ZSCAN18: variants seen among roughly 807,000 people sequenced by gnomAD.
The protein encoded by ZSCAN18 is zinc finger and SCAN domain-containing protein 18.
Under a neutral mutation model 31.1 loss-of-function variants are expected in ZSCAN18, and 16 were observed. The ratio of observed to expected loss-of-function variants is 0.51; its 90% CI spans 0.35 to 0.78. The LOEUF (loss-of-function observed/expected upper bound fraction) is 0.78, where lower values mean the gene tolerates loss of function less well. Among genes scored for constraint, ZSCAN18 ranks in the 30% least tolerant of loss-of-function variants. The pLI is 0.01. For synonymous variants in ZSCAN18, 375 were observed against 320.7 expected (o/e 1.17, Z -1.81); for missense variants, 731 against 697.4 (o/e 1.05, Z -0.54).
In ZSCAN18 at chr19:58,090,115, A is replaced by T. The variant is rs771595694; in HGVS notation, c.153T>A (p.Arg51=). The change falls in exon 2 of 7, where the codon CGT becomes CGA. Residue 51 remains arginine (R), a synonymous_variant. Transcript: ENST00000601144. The surrounding 1 kb of genome is among the most constrained non-coding windows in gnomAD (Gnocchi z 4.7). Reference sequence around the variant, plus strand: ...CCTCCTGGTAGACAAATTCCCGGAAACGCAGGCGGGAGAACTCCAGGTCAG... The same window carrying T: ...CCTCCTGGTAGACAAATTCCCGGAATCGCAGGCGGGAGAACTCCAGGTCAG... ...TPADLEFSRL[R]FREFVYQEAA... 1 of 1,613,776 alleles carries T rather than the reference A, an allele frequency of 6.2e-7. No individual in the cohort carries two copies. Among genetic ancestry groups the T allele is most frequent in the Admixed American group, 1.7e-5 (1 of 60,024 alleles).
intron 1 of ZSCAN18, among the ~76,000 whole-genome samples, chr19:58,096,288 C>T (rs899181668): frequency 1.3e-5 from 2 of 152,194 alleles, no homozygotes; most frequent in African/African-American, 4.8e-5. Flanking sequence ...TGAGGCCACA[C>T]CTCGTTGGAG....
intron 2 of ZSCAN18, among the ~76,000 whole-genome samples, chr19:58,089,303 A>C (rs12104383): frequency 0.55 from 18,450 of 33,764 alleles, 3,973 homozygotes; most frequent in South Asian, 0.64. Flanking sequence ...ACTCCGTCTC[A>C]AAAAAAAAAA....
intron 1 of ZSCAN18, chr19:58,093,237 T>G (rs2074451421): frequency 6.6e-6 from 1 of 152,100 alleles, no homozygotes; most frequent in South Asian, 2.1e-4. Context: ...CCCAGGAGAG[T>G]AAGGGTTCTT....
At chr19:58,091,315 C>A (rs1280111564) in intron 1 of ZSCAN18, among the ~76,000 whole-genome samples, 2 of 148,376 alleles carry the variant, frequency 1.3e-5, no homozygotes, top group South Asian at 2.2e-4. Flanking sequence ...TTTCTAATAA[C>A]ATGAAGGAGC....
upstream of ZSCAN18, among the ~76,000 whole-genome samples, chr19:58,101,806 C>T (rs1437830464): frequency 2.0e-5 from 3 of 151,934 alleles, no homozygotes; most frequent in Non-Finnish European, 2.9e-5. Context: ...AGGTGTGAGC[C>T]ACCGCACCCA....
chr19:58,093,868 C>G (rs2074464959), intron 1 of ZSCAN18, among the ~76,000 whole-genome samples: 1 of 152,026 alleles, frequency 6.6e-6, no homozygotes, highest in South Asian at 2.1e-4. Flanking sequence ...TGGGTTCAAG[C>G]AGTTCTCCTC....
At chr19:58,093,513 C>T (rs1186804255) in intron 1 of ZSCAN18, 1 of 152,310 alleles carries the variant, frequency 6.6e-6, no homozygotes, top group African/African-American at 2.4e-5. Context: ...ACACACTCCA[C>T]CTGCTGCCAG....
In ZSCAN18 at chr19:58,087,307, C is replaced by T. The variant is rs747296939; in HGVS notation, c.642+9G>A. 1.3e-6 allele frequency: 2 copies of T among 1,598,892 alleles called. No homozygotes were observed. The highest frequency in any genetic ancestry group is 1.7e-5 in the Admixed American group (1 of 58,220). Reference sequence around the variant, plus strand: ...AAGGCCCCTCACCCACCTGCTCGTGCCCACCCACCTGCTCGGTGTTGGCAG... The same window carrying T: ...AAGGCCCCTCACCCACCTGCTCGTGTCCACCCACCTGCTCGGTGTTGGCAG... On this transcript the variant is annotated intron_variant, in intron 4 of 6. Coordinates refer to ENST00000601144, the MANE Select transcript of ZSCAN18 (RefSeq NM_001145543.2).
At chr19:58,103,988 G>C (rs1047227338) in intron 1 of ZSCAN18, among the ~76,000 whole-genome samples, 3 of 152,182 alleles carry the variant, frequency 2.0e-5, no homozygotes, top group Non-Finnish European at 4.4e-5. Context: ...TACCCAAAGA[G>C]AACTAACATT....
upstream of ZSCAN18, among the ~76,000 whole-genome samples, chr19:58,102,011 A>C (rs570162843): frequency 6.6e-6 from 1 of 152,246 alleles, no homozygotes; most frequent in South Asian, 2.1e-4. Flanking sequence ...GCTTCCAGGC[A>C]TATTATGTTT....
At chr19:58,102,071 C>T (rs1172432113), upstream of ZSCAN18, among the ~76,000 whole-genome samples, 3 of 152,024 alleles carry the variant, frequency 2.0e-5, no homozygotes, top group East Asian at 1.9e-4. Context: ...CACACACACA[C>T]GATTACTGAC....
upstream of ZSCAN18, chr19:58,098,325 A>G (rs2074561708): frequency 1.0e-6 from 1 of 985,480 alleles, no homozygotes; most frequent in Non-Finnish European, 1.2e-6. Context: ...CGAGCAAGGG[A>G]GCCGTGACAG....
At chr19:58,089,671 T>C (rs936476662) in intron 2 of ZSCAN18, among the ~76,000 whole-genome samples, 194 bp downstream of exon 2, 1 of 152,232 alleles carries the variant, frequency 6.6e-6, no homozygotes, top group South Asian at 2.1e-4. Context: ...GGCTGGTCCC[T>C]TTCCCTCATT....
chr19:58,088,425 G>A (rs1168089129), intron 3 of ZSCAN18: 3 of 415,468 alleles, frequency 7.2e-6, no homozygotes, highest in Admixed American at 3.5e-5. Context: ...GTTCATGGTC[G>A]GGGGTTGGGA....
chr19:58,112,689 C>T (rs1387453054), intron 1 of ZSCAN18, among the ~76,000 whole-genome samples: 1 of 151,512 alleles, frequency 6.6e-6, no homozygotes, highest in East Asian at 1.9e-4. Context: ...TCAGCTGACG[C>T]CTGTAATCCC....
At chr19:58,105,893 C>A (rs1159083166) in intron 1 of ZSCAN18, among the ~76,000 whole-genome samples, 1 of 151,496 alleles carries the variant, frequency 6.6e-6, no homozygotes, top group African/African-American at 2.4e-5. Flanking sequence ...GCATCAGGAT[C>A]GCCTGAACCC....
chr19:58,089,855 G>T lies in ZSCAN18; in HGVS notation c.403+10C>A, dbSNP rs74923054. 5 of 1,601,324 alleles carry T rather than the reference G, an allele frequency of 3.1e-6. No homozygotes were observed. Among genetic ancestry groups the T allele is most frequent in the East Asian group, 2.2e-5 (1 of 44,714 alleles). ...CCTCTGAGCCATGCTTCTCCTCTGT[G>T]ACAGCCCACCTGGCTCTTCCAGGAC... On this transcript the variant is annotated intron_variant, in intron 2 of 6. Transcript: ENST00000601144.
In ZSCAN18 at chr19:58,086,940, C is replaced by T. The variant is rs780679820; in HGVS notation, c.711G>A (p.Glu237=). The change falls in exon 5 of 7, where the codon GAG becomes GAA. Residue 237 remains glutamate (E), a synonymous_variant. Transcript: ENST00000601144. ...GEWGHLDPAE[E]NLKSYRKLLL... ...GCAGCTTCCGGTAGCTCTTCAGGTTCTCCTCGGCAGGGTCCAGGTGGCCCC... is the reference window on the plus strand; with the variant it reads ...GCAGCTTCCGGTAGCTCTTCAGGTTTTCCTCGGCAGGGTCCAGGTGGCCCC... 13 of 1,613,810 alleles carry T rather than the reference C, an allele frequency of 8.1e-6. No individual in the cohort carries two copies. In the East Asian group the frequency reaches 2.7e-4, roughly 33 times the overall value.
chr19:58,086,106 G>C, intron 6 of ZSCAN18, 68 bp downstream of exon 6: 1 of 1,426,758 alleles, frequency 7.0e-7, no homozygotes, highest in Non-Finnish European at 9.9e-7. Context: ...CGCTGGGAGG[G>C]GCCCCCTCAG....
Sources: allele counts gnomAD v4.1 joint callset (sites outside exome capture counted in the v4.1 genomes callset), GRCh38; gene constraint gnomAD v4.1.1; non-coding constraint Gnocchi (gnomAD v3.1); transcripts MANE v1.5; gene names NCBI Gene and HGNC (gene_info 2026-07-23, HGNC 2026-07-21).